SLIT1: variants seen among roughly 807,000 people sequenced by gnomAD.
SLIT1 encodes slit homolog 1 protein.
In SLIT1, 66 loss-of-function variants were observed where a neutral mutation model predicts 186.1. The ratio of observed to expected loss-of-function variants is 0.35; its 90% CI spans 0.29 to 0.44. SLIT1 has a LOEUF of 0.44. Ranked by LOEUF, SLIT1 falls within the 20% of genes least tolerant of loss-of-function variation. SLIT1 has a pLI of 1.00. For synonymous variants in SLIT1, 761 were observed against 833.8 expected (o/e 0.91, Z 1.50); for missense variants, 1,638 against 2,037.4 (o/e 0.80, Z 3.77).
intron 4 of SLIT1, among the ~76,000 whole-genome samples, chr10:97,079,720 G>A (rs1175550450): frequency 4.6e-5 from 7 of 152,206 alleles, no homozygotes; most frequent in South Asian, 2.1e-4. Flanking sequence ...ACACAGAGGC[G>A]GAAATGGGAA....
At chr10:97,156,641 C>T (rs574306943) in intron 4 of SLIT1, among the ~76,000 whole-genome samples, 27 of 152,250 alleles carry the variant, frequency 1.8e-4, no homozygotes, top group African/African-American at 6.0e-4. Flanking sequence ...ACTGGGCTTA[C>T]AGAGAGGTCT....
At chr10:97,060,026 A>T in intron 10 of SLIT1, 61 bp downstream of exon 10, 1 of 1,427,102 alleles carries the variant, frequency 7.0e-7, no homozygotes. Context: ...GGGCTGTGGG[A>T]CCACCCAGGA....
At position 97,043,778 on chromosome 10, in the gene SLIT1, C is replaced by T. The variant is rs1429275570; in HGVS notation, c.1854-265G>A. 6.6e-6 allele frequency among the ~76,000 whole-genome samples: 1 copy of T among 152,226 alleles called. No homozygotes were observed. Among genetic ancestry groups the T allele is most frequent in the Non-Finnish European group, 1.5e-5 (1 of 68,034 alleles). ...GCCACTGCCCTGTCCCCCATGCTGG[C>T]CTTGCCTCCGTGCCCTGGGTGCCCA... On this transcript the variant is annotated intron_variant, in intron 18 of 36. Coordinates refer to ENST00000266058, the MANE Select transcript of SLIT1 (RefSeq NM_003061.3). This position sits in a 1 kb window ranked among gnomAD's most constrained non-coding sequence, Gnocchi z 7.0.
chr10:97,113,684 C>G (rs987657549), intron 4 of SLIT1, among the ~76,000 whole-genome samples: 3 of 151,980 alleles, frequency 2.0e-5, no homozygotes, highest in African/African-American at 4.8e-5. Context: ...TCCTGAGTAG[C>G]TGGGATTATA....
chr10:97,042,745 C>T (rs1433891622), intron 20 of SLIT1, among the ~76,000 whole-genome samples, 156 bp downstream of exon 20: 1 of 152,190 alleles, frequency 6.6e-6, no homozygotes, highest in Non-Finnish European at 1.5e-5. Context: ...AGGCGCGTCT[C>T]CTCCTGAAAA....
chr10:97,114,210 T>C (rs1849490269), intron 4 of SLIT1, among the ~76,000 whole-genome samples: 1 of 152,164 alleles, frequency 6.6e-6, no homozygotes, highest in Non-Finnish European at 1.5e-5. Context: ...AGGTTCAACA[T>C]GGAGCAGCCA....
intron 1 of SLIT1, among the ~76,000 whole-genome samples, chr10:97,178,739 GA>G (rs948939313): frequency 6.6e-6 from 1 of 151,698 alleles, no homozygotes; most frequent in African/African-American, 2.4e-5. Context: ...AAAAGGTTCA[GA>G]AAAAAAATTA....
At chr10:97,034,153 C>T (rs1161119154) in intron 23 of SLIT1, among the ~76,000 whole-genome samples, 1 of 152,252 alleles carries the variant, frequency 6.6e-6, no homozygotes, top group Non-Finnish European at 1.5e-5. Flanking sequence ...GCGTGAGCCA[C>T]TGCGCCTGGC....
chr10:97,060,502 G>T, intron 9 of SLIT1, 138 bp downstream of exon 9: 1 of 1,089,936 alleles, frequency 9.2e-7, no homozygotes, highest in Non-Finnish European at 1.3e-6. Context: ...CCCAGCAGAG[G>T]CAAACTGTGT....
At chr10:97,145,664 C>T (rs1849809644) in intron 4 of SLIT1, among the ~76,000 whole-genome samples, 2 of 152,164 alleles carry the variant, frequency 1.3e-5, no homozygotes, top group Admixed American at 1.3e-4. Context: ...GGAAAAAGAG[C>T]CAGAGATTAA....
At chr10:97,028,820 G>A (rs1182158831) in intron 25 of SLIT1, among the ~76,000 whole-genome samples, 1 of 152,182 alleles carries the variant, frequency 6.6e-6, no homozygotes, top group African/African-American at 2.4e-5. Context: ...GCGAGCTTTG[G>A]AATCAGACAC....
At chr10:97,084,924 CTT>C (rs34001660) in intron 4 of SLIT1, among the ~76,000 whole-genome samples, 14 of 126,124 alleles carry the variant, frequency 1.1e-4, no homozygotes, top group South Asian at 5.2e-4. Flanking sequence ...CTTTTCTTTC[CTT>C]TTTTTTTTTT....
chr10:97,059,974 A>G, intron 10 of SLIT1, 113 bp downstream of exon 10: 1 of 927,372 alleles, frequency 1.1e-6, no homozygotes. Context: ...GTGGCTGGCC[A>G]AGGCCACTCA....
At chr10:97,116,387 C>T (rs1214177088) in intron 4 of SLIT1, among the ~76,000 whole-genome samples, 6 of 152,194 alleles carry the variant, frequency 3.9e-5, no homozygotes, top group Non-Finnish European at 7.4e-5. Flanking sequence ...CTCCTTAGGG[C>T]CTGTCCGGAG....
intron 4 of SLIT1, among the ~76,000 whole-genome samples, chr10:97,115,511 G>A (rs986012748): frequency 3.3e-5 from 5 of 152,260 alleles, no homozygotes; most frequent in South Asian, 2.1e-4. Context: ...CTCTGGAGAT[G>A]AGAAGCCTGG....
intron 4 of SLIT1, among the ~76,000 whole-genome samples, chr10:97,072,000 C>T (rs1849005215): frequency 6.6e-6 from 1 of 152,082 alleles, no homozygotes; most frequent in Non-Finnish European, 1.5e-5. Flanking sequence ...CCAGGTAGGC[C>T]CAGTCTATGC....
chr10:97,163,583 C>A (rs1429443727), intron 2 of SLIT1, 132 bp from the exon 3 acceptor site: 3 of 764,490 alleles, frequency 3.9e-6, no homozygotes, highest in South Asian at 3.1e-5. Flanking sequence ...AGGAGCCATG[C>A]CCAAGCCTCA....
At chr10:97,023,196 G>A (rs1435541239) in intron 25 of SLIT1, among the ~76,000 whole-genome samples, 3 of 150,484 alleles carry the variant, frequency 2.0e-5, no homozygotes, top group South Asian at 4.2e-4. Flanking sequence ...GGATTACAGC[G>A]TACACTACCA....
At chr10:97,106,910 C>T (rs1247263525) in intron 4 of SLIT1, among the ~76,000 whole-genome samples, 1 of 152,234 alleles carries the variant, frequency 6.6e-6, no homozygotes, top group Non-Finnish European at 1.5e-5. Context: ...TGCAGCGACA[C>T]GCATCCTAAC....
Sources: gnomAD v4.1 joint callset for allele counts (sites outside exome capture counted in the v4.1 genomes callset) on GRCh38, gnomAD v4.1.1 for gene constraint, Gnocchi (gnomAD v3.1) non-coding constraint, MANE v1.5 for transcripts, NCBI Gene and HGNC (gene_info 2026-07-23, HGNC 2026-07-21) for gene names.